Variants in SPATA6L observed in about 807,000 individuals in gnomAD.
SPATA6L encodes the protein spermatogenesis associated 6-like protein.
Under a neutral mutation model 49.2 loss-of-function variants are expected in SPATA6L, and 68 were observed. The observed-to-expected ratio is 1.38, with a 90% confidence interval of 1.14 to 1.69. The LOEUF (loss-of-function observed/expected upper bound fraction) is 1.69. SPATA6L is among the 40% of genes most tolerant of loss of function. SPATA6L has a pLI of 0.00. For synonymous variants in SPATA6L, 198 were observed against 165.7 expected, an observed-to-expected ratio of 1.19 and a Z score of -1.50; for missense variants, 668 against 464.3, an observed-to-expected ratio of 1.44 and a Z score of -4.03.
Position 4,605,870 on chromosome 9 carries a change from G to A in SPATA6L, c.996-430C>T, listed in dbSNP as rs182917842. ...TCCCAGCGTGAGCGACGCAGAGGACGGGTGATTTCTGCATTTCCATCTGAG... is the reference window on the plus strand; with the variant it reads ...TCCCAGCGTGAGCGACGCAGAGGACAGGTGATTTCTGCATTTCCATCTGAG... On this transcript the variant is annotated intron_variant, in intron 9 of 11. Coordinates refer to ENST00000682582, the MANE Select transcript of SPATA6L (RefSeq NM_001353486.2). Among the ~76,000 whole-genome samples, 259 of 152,128 alleles carry A rather than the reference G, an allele frequency of 1.7e-3. 1 individual carries two copies. Among genetic ancestry groups the A allele is most frequent in the African/African-American group, 5.8e-3 (241 of 41,538 alleles).
intron 13 of SPATA6L, among the ~76,000 whole-genome samples, chr9:4,592,174 G>C (rs576284181): frequency 6.6e-6 from 1 of 152,196 alleles, no homozygotes; most frequent in South Asian, 2.1e-4. Flanking sequence ...AATTAGCCAG[G>C]TGTAGTGGCA....
At chr9:4,606,498 C>G (rs867603520) in intron 9 of SPATA6L, among the ~76,000 whole-genome samples, 1 of 41,610 alleles carries the variant, frequency 2.4e-5, no homozygotes, top group African/African-American at 8.6e-5. Flanking sequence ...CCCCTGACCC[C>G]CGAGCAGCCT....
chr9:4,662,373 G>A lies in SPATA6L; in HGVS notation c.40-337C>T, dbSNP rs1048763629. ...GGTCCCGGGATCCGGGCCGCCAGCT[G>A]CGATGCCAAGTCCCCGGAGGAGCAT... On this transcript the variant is annotated intron_variant, in intron 1 of 11. Coordinates refer to ENST00000682582, the MANE Select transcript of SPATA6L (RefSeq NM_001353486.2). This position sits in a 1 kb window ranked among gnomAD's most constrained non-coding sequence, Gnocchi z 4.9. The A allele has an allele frequency of 1.9e-5, 28 of 1,508,606 alleles. No individual in the cohort carries two copies. The highest frequency in any genetic ancestry group is 2.5e-5 in the Non-Finnish European group (28 of 1,136,542). 93.5% of individuals were successfully genotyped at this position (1,508,606 alleles called of 1,614,324 possible).
rs1363727838 is a variant in SPATA6L, at chr9:4,662,459, C to T, written c.40-423G>A. 3.9e-6 allele frequency: 6 copies of T among 1,547,490 alleles called. No homozygotes were observed. Among genetic ancestry groups the T allele is most frequent in the Non-Finnish European group, 4.3e-6 (5 of 1,155,832 alleles). ...GCAGCAGCAGCCCCGGCAGCCCAGCCCATGGCGGCGGTGGCGGCGGCAGCA... is the reference window on the plus strand; with the variant it reads ...GCAGCAGCAGCCCCGGCAGCCCAGCTCATGGCGGCGGTGGCGGCGGCAGCA... On this transcript the variant is annotated intron_variant, in intron 1 of 11. Transcript: ENST00000682582. This position sits in a 1 kb window ranked among gnomAD's most constrained non-coding sequence, Gnocchi z 4.9.
chr9:4,599,483 C>A lies in SPATA6L; in HGVS notation c.*1328G>T, dbSNP rs1437147659. 2.6e-5 allele frequency among the ~76,000 whole-genome samples: 4 copies of A among 152,058 alleles called. No individual in the cohort carries two copies. Among genetic ancestry groups the A allele is most frequent in the African/African-American group, 9.7e-5 (4 of 41,402 alleles). On this transcript the variant is annotated 3_prime_UTR_variant, in exon 12 of 12. Transcript: ENST00000682582. ...CTCACTGAATCTTCTAAAAACTGAACAAGTTTTAGGGTAGTGTCTTACTCT... is the reference window on the plus strand; with the variant it reads ...CTCACTGAATCTTCTAAAAACTGAAAAAGTTTTAGGGTAGTGTCTTACTCT...
chr9:4,654,121 A>G (rs1317244308), intron 3 of SPATA6L, among the ~76,000 whole-genome samples: 1 of 152,242 alleles, frequency 6.6e-6, no homozygotes, highest in Non-Finnish European at 1.5e-5. Context: ...ACCCACAAAG[A>G]TGACTACCAA....
At chr9:4,648,559 G>A (rs1587416337) in intron 3 of SPATA6L, among the ~76,000 whole-genome samples, 1 of 151,748 alleles carries the variant, frequency 6.6e-6, no homozygotes, top group Admixed American at 6.6e-5. Context: ...AATTAGCCGG[G>A]CGTGGTGGCG....
At chr9:4,601,398 T>C (rs1365549840) in intron 11 of SPATA6L, among the ~76,000 whole-genome samples, 1 of 151,906 alleles carries the variant, frequency 6.6e-6, no homozygotes, top group Admixed American at 6.6e-5. Context: ...TTTTGGATGT[T>C]TGGTTTTTGT....
intron 7 of SPATA6L, among the ~76,000 whole-genome samples, chr9:4,619,149 T>A (rs756316444): frequency 2.7e-5 from 4 of 147,718 alleles, no homozygotes; most frequent in African/African-American, 1.0e-4. Flanking sequence ...AACAGTCAGG[T>A]TTTCTCTTTT....
intron 4 of SPATA6L, among the ~76,000 whole-genome samples, chr9:4,629,769 GTATATATATATATA>G (rs35908661): frequency 2.0e-5 from 2 of 101,936 alleles, no homozygotes; most frequent in Admixed American, 1.1e-4. Flanking sequence ...GTGTGTGTGT[GTATATATATATATA>G]TATATATATA....
chr9:4,627,748 C>T lies in SPATA6L; in HGVS notation c.429+1343G>A. The T allele has an allele frequency of 3.9e-6, 5 of 1,289,286 alleles. 1 individual carries two copies. Among genetic ancestry groups the T allele is most frequent in the South Asian group, 3.7e-5 (3 of 81,014 alleles). 79.9% of individuals were successfully genotyped at this position (1,289,286 alleles called of 1,614,324 possible). On this transcript the variant is annotated intron_variant, in intron 5 of 11. Coordinates refer to ENST00000682582, the MANE Select transcript of SPATA6L (RefSeq NM_001353486.2). ...CATGGATGCCCTAAGACGCTTCACG[C>T]TTACCAAAGACGGACCATGAATACA... is the stretch of plus-strand genomic sequence containing the variant.
At chr9:4,605,998 G>T (rs923046022) in intron 9 of SPATA6L, among the ~76,000 whole-genome samples, 5 of 152,078 alleles carry the variant, frequency 3.3e-5, no homozygotes, top group Non-Finnish European at 5.9e-5. Context: ...GCCTCACTCG[G>T]GAAGCGCAAG....
chr9:4,653,332 A>C (rs1368890789), intron 3 of SPATA6L, among the ~76,000 whole-genome samples: 1 of 152,248 alleles, frequency 6.6e-6, no homozygotes, highest in African/African-American at 2.4e-5. Flanking sequence ...TTGGTCCCCA[A>C]CATCACACTG....
At chr9:4,660,514 T>G (rs890009455) in intron 2 of SPATA6L, among the ~76,000 whole-genome samples, 106 of 152,240 alleles carry the variant, frequency 7.0e-4, no homozygotes, top group African/African-American at 2.2e-3. Flanking sequence ...TGGCGATCAT[T>G]AAAAAGTCAG....
Position 4,637,473 on chromosome 9 carries a change from T to G in SPATA6L, c.227-2074A>C, listed in dbSNP as rs12352848. ...GTGATCTGCTTCCATCAAGGCTCCA[T>G]GAAAACAGTGACTTTGTCTTTTCTG... On this transcript the variant is annotated intron_variant, in intron 3 of 11. Coordinates refer to ENST00000682582, the MANE Select transcript of SPATA6L (RefSeq NM_001353486.2). 4.0e-3 allele frequency among the ~76,000 whole-genome samples: 611 copies of G among 152,318 alleles called. 5 individuals are homozygous for G. The highest frequency in any genetic ancestry group is 0.014 in the African/African-American group (580 of 41,568).
intron 3 of SPATA6L, among the ~76,000 whole-genome samples, chr9:4,643,261 C>G (rs1051572066): frequency 6.6e-6 from 1 of 152,214 alleles, no homozygotes; most frequent in Non-Finnish European, 1.5e-5. Flanking sequence ...CCACCTTGGC[C>G]TCCCCAAGTG....
At chr9:4,648,619 G>C (rs889437193) in intron 3 of SPATA6L, among the ~76,000 whole-genome samples, 4 of 151,842 alleles carry the variant, frequency 2.6e-5, no homozygotes, top group African/African-American at 9.7e-5. Context: ...AGAATGGCGT[G>C]AACCCGGGAG....
chr9:4,610,654 G>T (rs1230600684), intron 9 of SPATA6L, among the ~76,000 whole-genome samples: 1 of 152,118 alleles, frequency 6.6e-6, no homozygotes, highest in Non-Finnish European at 1.5e-5. Flanking sequence ...ATTCCAGATG[G>T]ATTAAAGAAT....
Position 4,662,424 on chromosome 9 carries a change from G to C in SPATA6L, c.40-388C>G, listed in dbSNP as rs975025512. ...GGAGGGACGGCCGCTGGGCGTCTCC[G>C]CTTCGAGCAGCAGCAGCAGCCCCGG... On this transcript the variant is annotated intron_variant, in intron 1 of 11. Coordinates refer to ENST00000682582, the MANE Select transcript of SPATA6L (RefSeq NM_001353486.2). This position sits in a 1 kb window ranked among gnomAD's most constrained non-coding sequence, Gnocchi z 4.9. 1.3e-6 allele frequency: 2 copies of C among 1,540,134 alleles called. No individual in the cohort carries two copies. The highest frequency in any genetic ancestry group is 3.9e-5 in the Admixed American group (2 of 51,526).
Sources: allele counts gnomAD v4.1 joint callset (sites outside exome capture counted in the v4.1 genomes callset), GRCh38; gene constraint gnomAD v4.1.1; non-coding constraint Gnocchi (gnomAD v3.1); transcripts MANE v1.5; gene names NCBI Gene and HGNC (gene_info 2026-07-23, HGNC 2026-07-21).